Variants in SUSD4 observed in about 807,000 individuals in gnomAD.
SUSD4 encodes sushi domain containing 4.
Under a neutral mutation model 50.5 loss-of-function variants are expected in SUSD4, and 41 were observed. That is an observed-to-expected ratio of 0.81 (90% CI 0.63 to 1.05). The LOEUF (loss-of-function observed/expected upper bound fraction) is 1.05. Ranked by LOEUF, SUSD4 falls within the 50% of genes least tolerant of loss-of-function variation. The probability of loss-of-function intolerance (pLI) is 0.00; values close to 1 mark genes in which losing one functional copy is unlikely to be tolerated. For missense variants in SUSD4, 580 were observed against 634.7 expected, an observed-to-expected ratio of 0.91 and a Z score of 0.93; for synonymous variants, 257 against 257.3, an observed-to-expected ratio of 1.00 and a Z score of 0.01.
chr1:223,296,616 GAT>G (rs756479006), intron 2 of SUSD4, among the ~76,000 whole-genome samples: 25 of 152,162 alleles, frequency 1.6e-4, no homozygotes, highest in African/African-American at 5.8e-4. Flanking sequence ...CAGAAAGGAT[GAT>G]AGAGTTTGGC....
intron 3 of SUSD4, among the ~76,000 whole-genome samples, chr1:223,288,552 T>C (rs531974484): frequency 6.6e-6 from 1 of 152,258 alleles, no homozygotes; most frequent in Non-Finnish European, 1.5e-5. Flanking sequence ...AGGAGCTGAG[T>C]GCAATTAGTT....
intron 2 of SUSD4, among the ~76,000 whole-genome samples, chr1:223,336,208 C>A (rs140958423): frequency 1.1e-4 from 17 of 152,240 alleles, no homozygotes; most frequent in Non-Finnish European, 1.5e-5. Context: ...CCCGCCTTGG[C>A]CTCCCAAAGT....
intron 3 of SUSD4, among the ~76,000 whole-genome samples, chr1:223,275,907 TC>T (rs1392844618): frequency 6.6e-6 from 1 of 152,154 alleles, no homozygotes; most frequent in Non-Finnish European, 1.5e-5. Context: ...CAGAACCTAA[TC>T]CGCGCAAGCT....
rs367882510 is a variant in SUSD4, at chr1:223,319,768, C to G, written c.149-27117G>C. On this transcript the variant is annotated intron_variant, in intron 2 of 8. Transcript: ENST00000366878. ...GTTTCTTTATGTTTGTCAATGAAAT[C>G]AAAAGTTTCACACTGACACTTCCAA... Among the ~76,000 whole-genome samples, 19 of 152,302 alleles carry G rather than the reference C, an allele frequency of 1.2e-4. No homozygotes were observed. The East Asian group carries it at 3.1e-3, about 25-fold the overall frequency.
At chr1:223,310,616 T>C (rs1201686128) in intron 2 of SUSD4, among the ~76,000 whole-genome samples, 1 of 152,202 alleles carries the variant, frequency 6.6e-6, no homozygotes, top group Non-Finnish European at 1.5e-5. Context: ...AAAACAAATA[T>C]ACCTAAATAT....
chr1:223,325,456 T>A (rs1220249451), intron 2 of SUSD4, among the ~76,000 whole-genome samples: 2 of 152,046 alleles, frequency 1.3e-5, no homozygotes, highest in African/African-American at 2.4e-5. Flanking sequence ...GTAAACCAGG[T>A]TTAATTCATC....
rs138815631 is a variant in SUSD4, at chr1:223,337,318, A to C, written c.148+25960T>G. On this transcript the variant is annotated intron_variant, in intron 2 of 8. Transcript: ENST00000366878. ...CAAACGTCAGTTGAATGTATGAAGG[A>C]ATGAATGTCACCTTACAGAGCTCAA... 2.8e-4 allele frequency among the ~76,000 whole-genome samples: 42 copies of C among 152,348 alleles called. No homozygotes were observed. The East Asian group carries it at 7.9e-3, about 29-fold the overall frequency.
intron 5 of SUSD4, among the ~76,000 whole-genome samples, chr1:223,240,940 G>A (rs1266514171): frequency 1.3e-5 from 2 of 152,214 alleles, no homozygotes; most frequent in Non-Finnish European, 2.9e-5. Context: ...GCAGGGGAAG[G>A]AGAAGCACTC....
Position 223,223,568 on chromosome 1 carries a change from C to G in SUSD4, c.1125G>C (p.Met375Ile). The G allele has an allele frequency of 1.2e-6, 2 of 1,613,344 alleles. No individual in the cohort carries two copies. The highest frequency in any genetic ancestry group is 1.7e-6 in the Non-Finnish European group (2 of 1,179,778). Reference sequence around the variant, plus strand: ...TCACAGCTTCGTCATAGGACGGGAGCATGACGGGCACGCCGTCTACCACCA... The same window carrying G: ...TCACAGCTTCGTCATAGGACGGGAGGATGACGGGCACGCCGTCTACCACCA... ...DFVVVDGVPV[M>I]LPSYDEAVSG... Residue 375 changes from methionine (M) to isoleucine (I), a missense_variant, in exon 8 of 9, where the codon ATG becomes ATC. Met to Ile is a conservative substitution (Grantham distance 10, BLOSUM62 1). Coordinates refer to ENST00000366878, the MANE Select transcript of SUSD4 (RefSeq NM_017982.4).
chr1:223,324,702 T>C lies in SUSD4; in HGVS notation c.149-32051A>G, dbSNP rs1053894415. Among the ~76,000 whole-genome samples, 9 of 150,648 alleles carry C rather than the reference T, an allele frequency of 6.0e-5. No homozygotes were observed. The South Asian group carries it at 1.7e-3, about 29-fold the overall frequency. On this transcript the variant is annotated intron_variant, in intron 2 of 8. Transcript: ENST00000366878. ...TATCTAGTAGGGCAGCAAACTTTCT[T>C]AGAGGGGCCTGCAGACTTCCTTTAG...
intron 5 of SUSD4, chr1:223,235,184 TA>T (rs5781303): frequency 0.024 from 32,723 of 1,368,872 alleles, 1,740 homozygotes; most frequent in African/African-American, 0.2. Context: ...CTTTTCTTTC[TA>T]AAAAAAATAA....
chr1:223,275,172 G>A (rs543404376), intron 3 of SUSD4, among the ~76,000 whole-genome samples: 99 of 152,230 alleles, frequency 6.5e-4, no homozygotes, highest in African/African-American at 2.3e-3. Context: ...GGGAGTGAAC[G>A]ACTAAACATA....
chr1:223,238,738 T>C (rs1660380033), intron 5 of SUSD4, among the ~76,000 whole-genome samples: 1 of 151,972 alleles, frequency 6.6e-6, no homozygotes, highest in African/African-American at 2.4e-5. Flanking sequence ...TTAAGGTGTG[T>C]TTTATGCTCA....
intron 2 of SUSD4, among the ~76,000 whole-genome samples, chr1:223,307,685 T>G (rs1009258632): frequency 6.6e-6 from 1 of 152,186 alleles, no homozygotes. Context: ...TAGAAAGCGC[T>G]GGCTGACTCC....
intron 2 of SUSD4, among the ~76,000 whole-genome samples, chr1:223,348,622 T>C (rs911057869): frequency 2.0e-5 from 3 of 152,188 alleles, no homozygotes; most frequent in Admixed American, 2.0e-4. Context: ...CCAGTCCAAA[T>C]AGAGTTGCTG....
rs17162000 is a variant in SUSD4, at chr1:223,342,084, G to T, written c.148+21194C>A. On this transcript the variant is annotated intron_variant, in intron 2 of 8. Transcript: ENST00000366878. Reference sequence around the variant, plus strand: ...TCCTATTTCCTTCCTAGTCATGGCTGAGGTCTGCCCTGGTGGACCACAGCC... The same window carrying T: ...TCCTATTTCCTTCCTAGTCATGGCTTAGGTCTGCCCTGGTGGACCACAGCC... Among the ~76,000 whole-genome samples the T allele has an allele frequency of 7.2e-3, 1,097 of 152,256 alleles. 34 individuals are homozygous for T. The East Asian group carries it at 0.1, about 14-fold the overall frequency.
At chr1:223,339,941 C>T (rs1277463591) in intron 2 of SUSD4, among the ~76,000 whole-genome samples, 1 of 152,184 alleles carries the variant, frequency 6.6e-6, no homozygotes, top group Non-Finnish European at 1.5e-5. Context: ...GAAAAGGGGG[C>T]TCTCATTCCA....
chr1:223,358,218 C>T (rs1448836853), intron 2 of SUSD4, among the ~76,000 whole-genome samples: 2 of 152,022 alleles, frequency 1.3e-5, no homozygotes, highest in East Asian at 1.9e-4. Context: ...ACTGTGTATC[C>T]CCAGGATGTA....
rs1228283959 is a variant in SUSD4 at position 223,229,627 on chromosome 1, T to TTTTCAC, written c.725-240_725-239insGTGAAA. Among the ~76,000 whole-genome samples, 1 of 152,192 alleles carries TTTTCAC rather than the reference T, an allele frequency of 6.6e-6. No homozygotes were observed. The highest frequency in any genetic ancestry group is 1.5e-5 in the Non-Finnish European group (1 of 68,024). On this transcript the variant is annotated intron_variant, in intron 5 of 8. Transcript: ENST00000366878. This position sits in a 1 kb window ranked among gnomAD's most constrained non-coding sequence, Gnocchi z 4.7. ...TGACATGGCATTGTGAAGTACATCG[T>TTTTCAC]AAAAGAGAGGTTCGTTTTACAATGC...
Sources: allele counts gnomAD v4.1 joint callset (sites outside exome capture counted in the v4.1 genomes callset), GRCh38; gene constraint gnomAD v4.1.1; non-coding constraint Gnocchi (gnomAD v3.1); transcripts MANE v1.5; gene names NCBI Gene and HGNC (gene_info 2026-07-23, HGNC 2026-07-21).